Variants in PCDH15 observed in about 807,000 individuals in gnomAD.
The protein encoded by PCDH15 is protocadherin related 15.
PCDH15 carries 129 observed loss-of-function variants against 178.5 expected under a neutral mutation model. The ratio of observed to expected loss-of-function variants is 0.72; its 90% CI spans 0.63 to 0.84. The LOEUF is 0.84. Ranked by LOEUF, PCDH15 falls within the 40% of genes least tolerant of loss-of-function variation. The pLI is 0.00. For synonymous variants in PCDH15, 800 were observed against 732.0 expected, an observed-to-expected ratio of 1.09 and a Z score of -1.50; for missense variants, 2,230 against 2,099.9, an observed-to-expected ratio of 1.06 and a Z score of -1.21.
chr10:53,855,069 G>C (rs555836791), intron 28 of PCDH15, among the ~76,000 whole-genome samples: 12 of 152,010 alleles, frequency 7.9e-5, no homozygotes, highest in African/African-American at 2.9e-4. Context: ...AAAGAAAATG[G>C]CATCATGATT....
intron 23 of PCDH15, among the ~76,000 whole-genome samples, chr10:53,942,762 T>C (rs2086183058): frequency 6.6e-6 from 1 of 152,160 alleles, no homozygotes; most frequent in South Asian, 2.1e-4. Context: ...GGATGACACC[T>C]TGATTAAAAG....
chr10:54,098,805 T>C (rs2094750436), intron 15 of PCDH15, among the ~76,000 whole-genome samples: 1 of 152,180 alleles, frequency 6.6e-6, no homozygotes, highest in African/African-American at 2.4e-5. Context: ...GGAAAGACAA[T>C]TGGCTTTGGT....
In PCDH15 at chr10:54,236,854, A is replaced by G; in HGVS notation, c.954T>C (p.Asp318=). 6.2e-7 allele frequency: 1 copy of G among 1,613,630 alleles called. No homozygotes were observed. The highest frequency in any genetic ancestry group is 8.5e-7 in the Non-Finnish European group (1 of 1,179,604). The stretch of plus-strand genomic sequence containing the variant: ...GGATGGAATAGAGGATTCCTGGCCT[A>G]TCTGATGGCGGTTGAATATTCCGGT... ...DQDRNIQPPS[D]RPGILYSILV... Residue 318 remains aspartate (D), a synonymous_variant, in exon 9 of 38, where the codon GAT becomes GAC. Transcript: ENST00000644397.
chr10:54,618,626 A>G (rs2093257747), intron 2 of PCDH15, among the ~76,000 whole-genome samples: 1 of 152,126 alleles, frequency 6.6e-6, no homozygotes, highest in South Asian at 2.1e-4. Context: ...ATAGACATAC[A>G]TATTCTACTA....
intron 2 of PCDH15, among the ~76,000 whole-genome samples, chr10:55,334,594 A>T (rs1844328189): frequency 6.6e-6 from 1 of 151,962 alleles, no homozygotes; most frequent in African/African-American, 2.4e-5. Flanking sequence ...GGCGTGAGCC[A>T]TGGTGCCCGG....
At chr10:54,589,053 CTTTT>C (rs1025887959) in intron 2 of PCDH15, among the ~76,000 whole-genome samples, 6 of 151,472 alleles carry the variant, frequency 4.0e-5, no homozygotes, top group Non-Finnish European at 8.8e-5. Context: ...CATATTTTTG[CTTTT>C]TTTTAAGGAG....
At chr10:54,002,051 AT>A (rs1589850513) in intron 20 of PCDH15, among the ~76,000 whole-genome samples, 2 of 26,278 alleles carry the variant, frequency 7.6e-5, no homozygotes, top group East Asian at 1.3e-3. Context: ...ATATACATAT[AT>A]GTATATATAT....
rs186121911 is a variant in PCDH15 at position 55,130,773 on chromosome 10, A to G, written c.-80+35803T>C. Among the ~76,000 whole-genome samples the G allele has an allele frequency of 6.5e-3, 991 of 151,686 alleles. 7 individuals carry two copies. Among genetic ancestry groups the G allele is most frequent in the Non-Finnish European group, 9.6e-3 (649 of 67,926 alleles). Reference sequence around the variant, plus strand: ...GGCACTTCTAAGGAGGAAAAATAAAATTAGCCTTTTCATAGATAACATTGT... The same window carrying G: ...GGCACTTCTAAGGAGGAAAAATAAAGTTAGCCTTTTCATAGATAACATTGT... On this transcript the variant is annotated intron_variant, in intron 2 of 5. Coordinates refer to the PCDH15 transcript ENST00000458638.
rs908409777 is a variant in PCDH15, at chr10:55,076,786, T to A, written c.-80+89790A>T. 2.0e-5 allele frequency among the ~76,000 whole-genome samples: 3 copies of A among 146,396 alleles called. No homozygotes were observed. The South Asian group carries it at 6.8e-4, about 33-fold the overall frequency. On this transcript the variant is annotated intron_variant, in intron 2 of 5. Coordinates refer to the PCDH15 transcript ENST00000458638. ...GACCTTTTTTTTTTTTTTTTTTTTT[T>A]TGAGATGGAGTCTTGCTCTGTTGCC...
chr10:55,237,802 A>C (rs1220689571), intron 1 of PCDH15, among the ~76,000 whole-genome samples: 1 of 152,090 alleles, frequency 6.6e-6, no homozygotes, highest in African/African-American at 2.4e-5. Flanking sequence ...GTAGATATTT[A>C]AGAAATATTT....
intron 18 of PCDH15, among the ~76,000 whole-genome samples, chr10:54,045,246 C>T (rs1045393792): frequency 1.1e-4 from 17 of 152,218 alleles, no homozygotes; most frequent in African/African-American, 3.4e-4. Context: ...GAAAGGCATA[C>T]TTTCGTCCTT....
chr10:54,479,141 C>A (rs1359721193), intron 3 of PCDH15, among the ~76,000 whole-genome samples: 1 of 151,630 alleles, frequency 6.6e-6, no homozygotes, highest in Non-Finnish European at 1.5e-5. Flanking sequence ...AATTTCAGAC[C>A]AAGAGAAATG....
At chr10:54,870,040 C>A (rs1954008880) in intron 3 of PCDH15, among the ~76,000 whole-genome samples, 1 of 152,150 alleles carries the variant, frequency 6.6e-6, no homozygotes, top group Admixed American at 6.5e-5. Flanking sequence ...TAACTCGCCA[C>A]CAATGAAGTC....
chr10:54,079,033 A>G (rs1287878705), intron 17 of PCDH15, among the ~76,000 whole-genome samples: 1 of 152,172 alleles, frequency 6.6e-6, no homozygotes, highest in Non-Finnish European at 1.5e-5. Context: ...TGCAGTGCAA[A>G]TGACAGACAC....
intron 3 of PCDH15, among the ~76,000 whole-genome samples, chr10:54,434,409 T>C: frequency 6.6e-6 from 1 of 152,210 alleles, no homozygotes; most frequent in East Asian, 1.9e-4. Flanking sequence ...GTGCCTTGCA[T>C]TGGTGTACCA....
At position 55,231,652 on chromosome 10, in the gene PCDH15, T is replaced by A. The variant is rs546601607; in HGVS notation, c.-155-65001A>T. Among the ~76,000 whole-genome samples, 51 of 152,086 alleles carry A rather than the reference T, an allele frequency of 3.4e-4. 1 individual carries two copies. Among genetic ancestry groups the A allele is most frequent in the South Asian group, 1.7e-3 (8 of 4,828 alleles). ...AACAATTAAATGGCATGATCAAATT[T>A]GTTTTTAGATGGATGGCTGTCTTGC... On this transcript the variant is annotated intron_variant, in intron 1 of 5. Coordinates refer to the PCDH15 transcript ENST00000458638.
intron 2 of PCDH15, among the ~76,000 whole-genome samples, chr10:54,547,453 T>G (rs967827860): frequency 6.6e-6 from 1 of 152,098 alleles, no homozygotes; most frequent in Non-Finnish European, 1.5e-5. Flanking sequence ...CAATCAGAAA[T>G]AAAATCCTGC....
intron 3 of PCDH15, among the ~76,000 whole-genome samples, chr10:54,419,505 C>T (rs1317562819): frequency 6.6e-6 from 1 of 152,062 alleles, no homozygotes; most frequent in Admixed American, 6.6e-5. Context: ...ATTTGTCAAA[C>T]TCTGATTGAT....
chr10:55,345,484 T>C (rs12778533), intron 2 of PCDH15, among the ~76,000 whole-genome samples: 82,259 of 151,710 alleles, frequency 0.54, 22,771 homozygotes, highest in African/African-American at 0.63. Context: ...TAAGCCAGAG[T>C]TGAACTATGG....
Sources: allele counts gnomAD v4.1 joint callset (sites outside exome capture counted in the v4.1 genomes callset), GRCh38; gene constraint gnomAD v4.1.1; transcripts MANE v1.5; gene names NCBI Gene and HGNC (gene_info 2026-07-23, HGNC 2026-07-21).